Variants in FAM53A observed in about 807,000 individuals in gnomAD.
The protein encoded by FAM53A is protein FAM53A.
A neutral mutation model predicts 26.6 loss-of-function variants in FAM53A; 28 were observed. The ratio of observed to expected loss-of-function variants is 1.05; its 90% CI spans 0.78 to 1.45. The LOEUF (loss-of-function observed/expected upper bound fraction) is 1.45, where lower values mean the gene tolerates loss of function less well. Ranked by LOEUF, FAM53A falls within the 40% of genes most tolerant of loss-of-function variation. FAM53A has a pLI of 0.00. For missense variants in FAM53A, 650 were observed against 575.8 expected (o/e 1.13, Z -1.32); for synonymous variants, 290 against 253.1 (o/e 1.15, Z -1.38).
intron 1 of FAM53A, among the ~76,000 whole-genome samples, chr4:1,671,114 G>A (rs113113197): frequency 1.4e-5 from 2 of 141,236 alleles, no homozygotes. Flanking sequence ...CAGCGTCAGA[G>A]CCACCAGCTC....
chr4:1,676,227 GC>G (rs1481483593), intron 1 of FAM53A, among the ~76,000 whole-genome samples: 1 of 152,154 alleles, frequency 6.6e-6, no homozygotes, highest in Non-Finnish European at 1.5e-5. Flanking sequence ...CCCTCTGAAG[GC>G]TCTGGGGAGG....
downstream of FAM53A, among the ~76,000 whole-genome samples, chr4:1,636,197 T>C (rs1715831738): frequency 6.6e-6 from 1 of 152,150 alleles, no homozygotes; most frequent in South Asian, 2.1e-4. Context: ...GGCCTATAAA[T>C]AGTCCATTTC....
chr4:1,602,175 C>T, the FAM53A span, among the ~76,000 whole-genome samples: 1 of 152,044 alleles, frequency 6.6e-6, no homozygotes, highest in Non-Finnish European at 1.5e-5. Context: ...AGTGGCTGGG[C>T]AGAGATGCAG....
the FAM53A span, among the ~76,000 whole-genome samples, chr4:1,596,312 C>T: frequency 4.6e-5 from 7 of 152,214 alleles, no homozygotes; most frequent in Non-Finnish European, 5.9e-5. Context: ...ATTATAGCCA[C>T]GTATTGTTTT....
intron 1 of FAM53A, among the ~76,000 whole-genome samples, chr4:1,670,227 A>G (rs140823471): frequency 1.2e-3 from 190 of 152,392 alleles, no homozygotes; most frequent in African/African-American, 4.4e-3. Context: ...AGGTTTCAAC[A>G]CGGTTCGATA....
At chr4:1,605,061 C>T in the FAM53A span, among the ~76,000 whole-genome samples, 1,083 of 152,300 alleles carry the variant, frequency 7.1e-3, 19 homozygotes, top group Middle Eastern at 0.024. This position sits in a 1 kb window ranked among gnomAD's most constrained non-coding sequence, Gnocchi z 5.7. Context: ...CTGCAGACAC[C>T]GGGCTCCACC....
the FAM53A span, among the ~76,000 whole-genome samples, chr4:1,581,809 G>A: frequency 6.6e-6 from 1 of 152,106 alleles, no homozygotes; most frequent in African/African-American, 2.4e-5. Context: ...TGCCCTGGCT[G>A]GTCTCGAACT....
intron 4 of FAM53A, among the ~76,000 whole-genome samples, chr4:1,650,869 G>A (rs1020508977): frequency 1.3e-5 from 2 of 151,868 alleles, no homozygotes; most frequent in African/African-American, 4.8e-5. Flanking sequence ...CCAAGAAGAG[G>A]ACTAGGACAG....
intron 1 of FAM53A, among the ~76,000 whole-genome samples, chr4:1,682,694 T>A (rs1186832655): frequency 6.6e-6 from 1 of 152,148 alleles, no homozygotes; most frequent in Non-Finnish European, 1.5e-5. Flanking sequence ...TATTTCTGTT[T>A]CCTGTGCACA....
intron 4 of FAM53A, 52 bp from the exon 5 acceptor site, chr4:1,641,659 G>T: frequency 6.3e-7 from 1 of 1,591,206 alleles, no homozygotes. Flanking sequence ...TCACACAGGA[G>T]GCAGCATCCC....
At chr4:1,612,918 G>C (rs1714681103), downstream of FAM53A, among the ~76,000 whole-genome samples, 1 of 152,110 alleles carries the variant, frequency 6.6e-6, no homozygotes, top group South Asian at 2.1e-4. Context: ...ACACACACAA[G>C]GCACATGGCC....
the FAM53A span, among the ~76,000 whole-genome samples, chr4:1,605,891 CA>C: frequency 6.6e-6 from 1 of 152,162 alleles, no homozygotes; most frequent in Non-Finnish European, 1.5e-5. This position sits in a 1 kb window ranked among gnomAD's most constrained non-coding sequence, Gnocchi z 5.7. Context: ...CACTGGAGTT[CA>C]GGGGGACCCT....
At chr4:1,585,544 A>G in the FAM53A span, among the ~76,000 whole-genome samples, 1 of 152,048 alleles carries the variant, frequency 6.6e-6, no homozygotes, top group African/African-American at 2.4e-5. Flanking sequence ...TCGGCCTCCC[A>G]AAGTGCTGAG....
the FAM53A span, among the ~76,000 whole-genome samples, chr4:1,594,506 T>C: frequency 6.6e-6 from 1 of 152,162 alleles, no homozygotes; most frequent in Non-Finnish European, 1.5e-5. Context: ...TGGGTTCTCT[T>C]CTCTATCTTC....
At chr4:1,654,795 A>G (rs976707830) in intron 4 of FAM53A, among the ~76,000 whole-genome samples, 183 bp downstream of exon 4, 2 of 152,164 alleles carry the variant, frequency 1.3e-5, no homozygotes, top group African/African-American at 2.4e-5. Flanking sequence ...GTGCTCTGAC[A>G]CCAGGACAGG....
At chr4:1,652,131 TCATACACCAC>T (rs1712870158) in intron 4 of FAM53A, among the ~76,000 whole-genome samples, 1 of 124,646 alleles carries the variant, frequency 8.0e-6, no homozygotes. Context: ...CACACACACC[TCATACACCAC>T]ACACACCACA....
the FAM53A span, among the ~76,000 whole-genome samples, chr4:1,589,873 T>C: frequency 6.6e-6 from 1 of 152,344 alleles, no homozygotes; most frequent in South Asian, 2.1e-4. Context: ...GACTTTTTAA[T>C]GTTAAAAATG....
At chr4:1,673,738 A>T (rs1325777594) in intron 1 of FAM53A, among the ~76,000 whole-genome samples, 1 of 152,220 alleles carries the variant, frequency 6.6e-6, no homozygotes, top group Non-Finnish European at 1.5e-5. Flanking sequence ...GTTTCAAAAA[A>T]AAATCAGATA....
intron 2 of FAM53A, among the ~76,000 whole-genome samples, chr4:1,661,066 G>A (rs548977945): frequency 3.4e-4 from 52 of 151,306 alleles, no homozygotes; most frequent in African/African-American, 9.0e-4. Context: ...CCATCACACC[G>A]CCTCCTCTCT....
Sources: gnomAD v4.1 joint callset for allele counts (sites outside exome capture counted in the v4.1 genomes callset) on GRCh38, gnomAD v4.1.1 for gene constraint, Gnocchi (gnomAD v3.1) non-coding constraint, MANE v1.5 for transcripts, NCBI Gene and HGNC (gene_info 2026-07-23, HGNC 2026-07-21) for gene names.